FBXO17: variants seen among roughly 807,000 people sequenced by gnomAD.
The protein encoded by FBXO17 is F-box protein 17.
A neutral mutation model predicts 34.1 loss-of-function variants in FBXO17; 43 were observed. That is an observed-to-expected ratio of 1.26 (90% CI 0.99 to 1.62). The LOEUF (loss-of-function observed/expected upper bound fraction) is 1.62. Ranked by LOEUF, FBXO17 falls within the 40% of genes most tolerant of loss-of-function variation. The pLI, the probability that FBXO17 is intolerant of heterozygous loss-of-function variation, is 0.00. For synonymous variants in FBXO17, 169 were observed against 166.0 expected (o/e 1.02, Z -0.14); for missense variants, 424 against 386.7 (o/e 1.10, Z -0.81).
chr19:38,945,200 G>T (rs1304133589), intron 4 of FBXO17, 96 bp from the exon 5 acceptor site: 1 of 1,504,816 alleles, frequency 6.6e-7, no homozygotes, highest in Non-Finnish European at 9.0e-7. Context: ...CTTGATGAAG[G>T]TCCTGCACAT....
rs1369689461 is a variant in FBXO17, at chr19:38,944,899, G to A, written c.693+70C>T. On this transcript the variant is annotated intron_variant, in intron 5 of 5. Coordinates refer to ENST00000292852, the MANE Select transcript of FBXO17 (RefSeq NM_024907.7). ...ATCCAGGAGTGACAGAAGGGAAACC[G>A]AGCAGACGAGAGGCTGGGCGTGTGT... 11 of 1,584,272 alleles carry A rather than the reference G, an allele frequency of 6.9e-6. No individual in the cohort carries two copies. The Admixed American group carries it at 8.9e-5, about 13-fold the overall frequency.
intron 3 of FBXO17, 168 bp from the exon 4 acceptor site, chr19:38,946,735 G>C (rs1472714304): frequency 3.2e-6 from 3 of 940,714 alleles, no homozygotes; most frequent in Non-Finnish European, 4.7e-6. Context: ...TCTCTCCTTG[G>C]CCTCTTGGAG....
chr19:38,954,578 G>GTTTT (rs1026579584), intron 1 of FBXO17, among the ~76,000 whole-genome samples: 1 of 93,524 alleles, frequency 1.1e-5, no homozygotes, highest in East Asian at 2.8e-4. Flanking sequence ...CCGAGAATGT[G>GTTTT]TTTTTTTTTT....
chr19:38,948,816 T>C lies in FBXO17; in HGVS notation c.350-138A>G, dbSNP rs915040812. 5 of 668,456 alleles carry C rather than the reference T, an allele frequency of 7.5e-6. No homozygotes were observed. The African/African-American group carries it at 9.1e-5, about 12-fold the overall frequency. The allele number at this position is 668,456 out of a possible 1,614,324, so 41.4% of individuals were successfully genotyped here. On this transcript the variant is annotated intron_variant, in intron 2 of 5. Transcript: ENST00000292852. Reference sequence around the variant, plus strand: ...CTCCCTGGTTTCTCCTACCGACTCCTCCTCCCATTATTCTGTATTCCTGGT... The same window carrying C: ...CTCCCTGGTTTCTCCTACCGACTCCCCCTCCCATTATTCTGTATTCCTGGT...
chr19:38,949,713 C>A, intron 2 of FBXO17: 1 of 577,112 alleles, frequency 1.7e-6, no homozygotes, highest in Non-Finnish European at 3.0e-6. Flanking sequence ...CCTCTGCATA[C>A]CAAACTACTT....
At chr19:38,954,579 T>A (rs1223392346) in intron 1 of FBXO17, among the ~76,000 whole-genome samples, 1 of 121,884 alleles carries the variant, frequency 8.2e-6, no homozygotes, top group Non-Finnish European at 1.7e-5. Flanking sequence ...CGAGAATGTG[T>A]TTTTTTTTTT....
chr19:38,965,336 T>TTC (rs1975305467), intron 1 of FBXO17, among the ~76,000 whole-genome samples: 1 of 146,852 alleles, frequency 6.8e-6, no homozygotes, highest in African/African-American at 2.5e-5. Flanking sequence ...TTTCTTTTCT[T>TTC]TTTTTTTTTT....
chr19:38,964,502 C>T (rs980897798), intron 1 of FBXO17, among the ~76,000 whole-genome samples: 4 of 152,086 alleles, frequency 2.6e-5, no homozygotes, highest in East Asian at 1.9e-4. Flanking sequence ...GGCATGGTGG[C>T]TTATGCCTGT....
At chr19:38,957,398 G>A (rs1168019069) in intron 1 of FBXO17, among the ~76,000 whole-genome samples, 1 of 152,064 alleles carries the variant, frequency 6.6e-6, no homozygotes, top group Non-Finnish European at 1.5e-5. Flanking sequence ...CCAGGCTGGA[G>A]TGCAGTTGCA....
chr19:38,950,346 G>C lies in FBXO17; in HGVS notation c.-17-10C>G. ...TCCAGTAGCCAGAGTCCTGCAGGTC[G>C]AGAGGGGTCGGTAGGCGGGTCAGCG... On this transcript the variant is annotated splice_polypyrimidine_tract_variant and intron_variant, in intron 1 of 5. Coordinates refer to ENST00000292852, the MANE Select transcript of FBXO17 (RefSeq NM_024907.7). 7.1e-7 allele frequency: 1 copy of C among 1,403,612 alleles called. No homozygotes were observed. Among genetic ancestry groups the C allele is most frequent in the Non-Finnish European group, 9.2e-7 (1 of 1,087,382 alleles). The allele number at this position is 1,403,612 out of a possible 1,614,324, so 86.9% of individuals were successfully genotyped here.
intron 1 of FBXO17, among the ~76,000 whole-genome samples, chr19:38,958,569 T>C (rs2144829941): frequency 6.6e-6 from 1 of 152,264 alleles, no homozygotes; most frequent in East Asian, 1.9e-4. Context: ...AACTACTAGC[T>C]GGGTCACAAT....
intron 3 of FBXO17, 129 bp downstream of exon 3, chr19:38,948,438 A>G: frequency 1.5e-6 from 1 of 662,044 alleles, no homozygotes; most frequent in Non-Finnish European, 2.6e-6. Flanking sequence ...GATTGATGGA[A>G]TGAATCAATG....
Position 38,945,347 on chromosome 19 carries a change from G to A in FBXO17, c.558-243C>T, listed in dbSNP as rs1014884156. On this transcript the variant is annotated intron_variant, in intron 4 of 5. Transcript: ENST00000292852. The stretch of plus-strand genomic sequence containing the variant: ...GCCAGAGCCTGGGGGAGGAGCCTGG[G>A]TGGTCCTGGGGTGGAGCCAGAGCCT... 18 of 565,694 alleles carry A rather than the reference G, an allele frequency of 3.2e-5. No homozygotes were observed. The Admixed American group carries it at 5.5e-4, about 17-fold the overall frequency. The allele number at this position is 565,694 out of a possible 1,614,324, so 35.0% of individuals were successfully genotyped here.
At chr19:38,967,335 G>T (rs1975333911) in intron 1 of FBXO17, among the ~76,000 whole-genome samples, 1 of 152,074 alleles carries the variant, frequency 6.6e-6, no homozygotes, top group African/African-American at 2.4e-5. Context: ...AGCTACACAA[G>T]AGGCTGAGGC....
At chr19:38,948,736 C>A in intron 2 of FBXO17, 58 bp from the exon 3 acceptor site, 1 of 1,483,400 alleles carries the variant, frequency 6.7e-7, no homozygotes, top group South Asian at 1.2e-5. Flanking sequence ...CAGAAGAGAC[C>A]CCGCAACCAG....
rs1600200808 is a variant in FBXO17 at position 38,961,722 on chromosome 19, C to T, written c.-17-11386G>A. Among the ~76,000 whole-genome samples the T allele has an allele frequency of 3.9e-5, 6 of 152,010 alleles. No homozygotes were observed. The South Asian group carries it at 1.2e-3, about 32-fold the overall frequency. On this transcript the variant is annotated intron_variant, in intron 1 of 5. Coordinates refer to ENST00000292852, the MANE Select transcript of FBXO17 (RefSeq NM_024907.7). ...TGTCCTCCAGGCTGGAGTGCAGGGG[C>T]GCGATTTCGGCTCACTGCAACCTCC...
intron 3 of FBXO17, among the ~76,000 whole-genome samples, chr19:38,948,009 C>CTT (rs766305274): frequency 6.5e-4 from 89 of 137,828 alleles, no homozygotes; most frequent in East Asian, 1.7e-3. Context: ...GCCATGTTCC[C>CTT]TTTTTTTTTT....
intron 3 of FBXO17, chr19:38,946,846 G>A (rs937611097): frequency 2.0e-5 from 9 of 450,458 alleles, no homozygotes; most frequent in Admixed American, 1.5e-4. Context: ...ACAAATGAAG[G>A]CCACATACTA....
At chr19:38,952,593 C>G in intron 1 of FBXO17, 1 of 534,460 alleles carries the variant, frequency 1.9e-6, no homozygotes, top group Non-Finnish European at 3.8e-6. Context: ...GCGTCATCTG[C>G]TGACCCAGAT....
Sources: gnomAD v4.1 joint callset for allele counts (sites outside exome capture counted in the v4.1 genomes callset) on GRCh38, gnomAD v4.1.1 for gene constraint, MANE v1.5 for transcripts, NCBI Gene and HGNC (gene_info 2026-07-23, HGNC 2026-07-21) for gene names.